ERP44: variants seen among roughly 807,000 people sequenced by gnomAD.
ERP44 encodes endoplasmic reticulum protein 44, also known as endoplasmic reticulum resident protein 44.
A neutral mutation model predicts 53.4 loss-of-function variants in ERP44; 25 were observed. The observed-to-expected ratio is 0.47, with a 90% CI of 0.34 to 0.65. ERP44 has a LOEUF of 0.65. Ranked by LOEUF, ERP44 falls within the 30% of genes least tolerant of loss-of-function variation. The pLI, the probability that ERP44 is intolerant of heterozygous loss-of-function variation, is 0.01. For missense variants in ERP44, 338 were observed against 493.2 expected (o/e 0.69, Z 2.98); for synonymous variants, 145 against 161.2 (o/e 0.90, Z 0.76).
At chr9:100,034,406 C>G (rs990164054) in intron 4 of ERP44, among the ~76,000 whole-genome samples, 7 of 152,102 alleles carry the variant, frequency 4.6e-5, no homozygotes, top group Non-Finnish European at 7.4e-5. Context: ...AATTGCCCAC[C>G]ACTTTCCTAG....
At chr9:99,998,991 G>A in intron 10 of ERP44, 1 of 1,291,748 alleles carries the variant, frequency 7.7e-7, no homozygotes, top group Non-Finnish European at 1.1e-6. Flanking sequence ...CGGCGGCAAA[G>A]AACTGGAAGT....
At chr9:100,050,871 T>C (rs1015045824) in intron 4 of ERP44, among the ~76,000 whole-genome samples, 3 of 152,360 alleles carry the variant, frequency 2.0e-5, no homozygotes, top group African/African-American at 7.2e-5. Flanking sequence ...TATTAAATTT[T>C]CTTCCCAATG....
chr9:100,078,507 C>A (rs1253434165), intron 1 of ERP44, among the ~76,000 whole-genome samples: 14 of 142,742 alleles, frequency 9.8e-5, no homozygotes. Context: ...GTAATCCCAG[C>A]ACTTTGGGAG....
Position 100,024,152 on chromosome 9 carries a change from T to TCAACAACAA in ERP44, c.287-1935_287-1927dup, listed in dbSNP as rs35674225. On this transcript the variant is annotated intron_variant, in intron 4 of 11. Coordinates refer to ENST00000262455, the MANE Select transcript of ERP44 (RefSeq NM_015051.3). ...CTGGGTGACAGAGTGAAACCCTGAC[T>TCAACAACAA]CAACAACAACAACAACAACAACAAC... 4.2e-3 allele frequency among the ~76,000 whole-genome samples: 632 copies of TCAACAACAA among 149,444 alleles called. 6 individuals are homozygous for TCAACAACAA. The highest frequency in any genetic ancestry group is 0.02 in the East Asian group (101 of 5,028).
intron 3 of ERP44, among the ~76,000 whole-genome samples, chr9:100,054,359 G>A (rs1019328543): frequency 1.3e-5 from 2 of 152,130 alleles, no homozygotes; most frequent in East Asian, 3.9e-4. Context: ...CTGATTAATG[G>A]TTTCTTGAAA....
chr9:100,052,576 TA>T, intron 3 of ERP44, 44 bp from the exon 4 acceptor site: 1 of 1,091,596 alleles, frequency 9.2e-7, no homozygotes. Context: ...AAAGCAGAAG[TA>T]ATAAAATCTT....
chr9:100,052,860 A>T (rs1826052723), intron 3 of ERP44, among the ~76,000 whole-genome samples: 1 of 152,214 alleles, frequency 6.6e-6, no homozygotes, highest in Non-Finnish European at 1.5e-5. Context: ...AAGTACTGTT[A>T]GGATTTGTAA....
intron 10 of ERP44, among the ~76,000 whole-genome samples, chr9:99,992,869 A>C (rs1039026129): frequency 1.3e-5 from 2 of 152,248 alleles, no homozygotes; most frequent in African/African-American, 4.8e-5. Flanking sequence ...CTTATACACC[A>C]GTAACAGACA....
chr9:99,993,828 T>C (rs1438089770), intron 10 of ERP44, among the ~76,000 whole-genome samples: 1 of 151,574 alleles, frequency 6.6e-6, no homozygotes, highest in East Asian at 1.9e-4. Context: ...AAAAACCCCA[T>C]CAAAAAGTGG....
At chr9:100,017,077 A>G (rs1830532281) in intron 7 of ERP44, among the ~76,000 whole-genome samples, 1 of 152,250 alleles carries the variant, frequency 6.6e-6, no homozygotes, top group Non-Finnish European at 1.5e-5. Flanking sequence ...ATATGGATGT[A>G]AGGCACGACT....
chr9:100,025,571 T>A (rs1587966841), intron 4 of ERP44, among the ~76,000 whole-genome samples: 1 of 152,178 alleles, frequency 6.6e-6, no homozygotes, highest in Non-Finnish European at 1.5e-5. Flanking sequence ...CTATATTCAT[T>A]CATGCTTAAA....
chr9:99,980,725 G>A lies in ERP44; in HGVS notation c.*1887C>T, dbSNP rs1830140286. 1.3e-5 allele frequency: 2 copies of A among 152,236 alleles called. No individual in the cohort carries two copies. The highest frequency in any genetic ancestry group is 2.4e-5 in the African/African-American group (1 of 41,462). The allele number at this position is 152,236 out of a possible 1,614,324, so 9.4% of individuals were successfully genotyped here. On this transcript the variant is annotated 3_prime_UTR_variant, in exon 12 of 12. Transcript: ENST00000262455. ...TTTCCTTGTCCTCAGTGACTTCACA[G>A]TCCAGAGAAGACAATGATAGTGGCA...
chr9:100,001,466 T>C (rs992620322), intron 10 of ERP44, among the ~76,000 whole-genome samples: 1 of 152,210 alleles, frequency 6.6e-6, no homozygotes, highest in Non-Finnish European at 1.5e-5. Context: ...TACTGTATTA[T>C]AGTCTCCTTT....
At chr9:99,990,140 C>T (rs1243194817) in intron 10 of ERP44, among the ~76,000 whole-genome samples, 3 of 152,102 alleles carry the variant, frequency 2.0e-5, no homozygotes, top group Non-Finnish European at 4.4e-5. Flanking sequence ...CAAGGCAGGC[C>T]AACATTCAAA....
Position 100,016,308 on chromosome 9 carries a change from T to C in ERP44, c.762+14A>G, listed in dbSNP as rs1830525153. 6.2e-7 allele frequency: 1 copy of C among 1,600,248 alleles called. No individual in the cohort carries two copies. The highest frequency in any genetic ancestry group is 1.7e-4 in the Middle Eastern group (1 of 5,990). ...TTGAATTTAAAGTAACAATGCACAG[T>C]AGAAAGCCCATACCTCTCCATTTTC... is the stretch of plus-strand genomic sequence containing the variant. On this transcript the variant is annotated intron_variant, in intron 8 of 11. Coordinates refer to ENST00000262455, the MANE Select transcript of ERP44 (RefSeq NM_015051.3).
intron 10 of ERP44, chr9:99,998,761 T>C: frequency 1.3e-6 from 1 of 781,026 alleles, no homozygotes; most frequent in Admixed American, 2.3e-5. Context: ...CGCAAACGTT[T>C]CTTTTCTCTC....
chr9:100,091,957 C>G (rs908588922), intron 1 of ERP44, among the ~76,000 whole-genome samples: 25 of 152,030 alleles, frequency 1.6e-4, no homozygotes, highest in Non-Finnish European at 3.4e-4. Context: ...TTTTGGTAGT[C>G]TAATTATTTA....
At chr9:100,067,915 C>T (rs1212882183) in intron 1 of ERP44, among the ~76,000 whole-genome samples, 3 of 151,668 alleles carry the variant, frequency 2.0e-5, no homozygotes, top group African/African-American at 4.8e-5. Context: ...CCCCTCCGCC[C>T]GGCAACCACC....
At chr9:100,048,518 T>C (rs1009310013) in intron 4 of ERP44, among the ~76,000 whole-genome samples, 8 of 152,026 alleles carry the variant, frequency 5.3e-5, no homozygotes, top group African/African-American at 1.9e-4. Context: ...CCTGGATATA[T>C]ATTAAAAAAA....
Sources: gnomAD v4.1 joint callset for allele counts (sites outside exome capture counted in the v4.1 genomes callset) on GRCh38, gnomAD v4.1.1 for gene constraint, MANE v1.5 for transcripts, NCBI Gene and HGNC (gene_info 2026-07-23, HGNC 2026-07-21) for gene names.